The following CNNM3 variants were observed in gnomAD, a reference collection of about 807,000 sequenced individuals.
CNNM3 encodes the protein metal transporter CNNM3.
A neutral mutation model predicts 57.1 loss-of-function variants in CNNM3; 47 were observed. The ratio of observed to expected loss-of-function variants is 0.82; its 90% confidence interval spans 0.65 to 1.05. The LOEUF (loss-of-function observed/expected upper bound fraction) is 1.05, where lower values mean the gene tolerates loss of function less well. CNNM3 is among the 50% of genes least tolerant of loss of function. CNNM3 has a pLI of 0.00. For synonymous variants in CNNM3, 507 were observed against 478.2 expected (o/e 1.06, Z -0.79); for missense variants, 957 against 973.7 (o/e 0.98, Z 0.23).
At chr2:96,837,387 T>C (rs116808426), downstream of CNNM3, 491 of 152,384 alleles carry the variant, frequency 3.2e-3, 4 homozygotes, top group African/African-American at 0.011. Context: ...ATTTTCAGCA[T>C]ACAAGTCCTT....
chr2:96,831,901 G>A (rs1208272629), intron 7 of CNNM3: 7 of 879,076 alleles, frequency 8.0e-6, no homozygotes, highest in East Asian at 1.2e-4. Context: ...GGTGCTGCCC[G>A]GAGCCAAGAG....
chr2:96,817,515 G>T lies in CNNM3; in HGVS notation c.1225+13G>T, dbSNP rs760290230. 6 of 1,604,182 alleles carry T rather than the reference G, an allele frequency of 3.7e-6. No homozygotes were observed. The highest frequency in any genetic ancestry group is 5.1e-6 in the Non-Finnish European group (6 of 1,173,764). ...GAATTCAAGCGAGGTAACGGCCCGGGCATGGTGCAGGGGACGCCCGTGCGA... is the reference window on the plus strand; with the variant it reads ...GAATTCAAGCGAGGTAACGGCCCGGTCATGGTGCAGGGGACGCCCGTGCGA... On this transcript the variant is annotated intron_variant, in intron 1 of 7. Coordinates refer to ENST00000305510, the MANE Select transcript of CNNM3 (RefSeq NM_017623.5).
chr2:96,832,231 C>G (rs567258097), intron 7 of CNNM3: 3 of 985,374 alleles, frequency 3.0e-6, no homozygotes, highest in Non-Finnish European at 3.6e-6. Flanking sequence ...GGTCATGAGA[C>G]TCCTCCACTG....
In CNNM3 at chr2:96,827,002, C is replaced by T. The variant is rs749702958; in HGVS notation, c.1519+20C>T. ...CCCGAGGTGAGGCGGGAGGGTGGTC[C>T]ATGCCCCCTGCTCTCCTCACCGTTC... On this transcript the variant is annotated intron_variant, in intron 3 of 7. Transcript: ENST00000305510. 3.5e-5 allele frequency: 56 copies of T among 1,611,168 alleles called. No individual in the cohort carries two copies. Among genetic ancestry groups the T allele is most frequent in the African/African-American group, 5.3e-5 (4 of 74,920 alleles).
downstream of CNNM3, among the ~76,000 whole-genome samples, chr2:96,836,088 C>CCCTT (rs1553484522): frequency 7.0e-6 from 1 of 143,470 alleles, no homozygotes; most frequent in Non-Finnish European, 1.5e-5. Flanking sequence ...CCCTCCCCCC[C>CCCTT]TTTTTTTTTT....
In CNNM3 at chr2:96,816,628, G is replaced by T; in HGVS notation, c.351G>T (p.Leu117=). 8.7e-7 allele frequency: 1 copy of T among 1,148,894 alleles called. No homozygotes were observed. The highest frequency in any genetic ancestry group is 1.1e-6 in the Non-Finnish European group (1 of 935,576). The allele number at this position is 1,148,894 out of a possible 1,614,324, so 71.2% of individuals were successfully genotyped here. Residue 117 remains leucine (L), a synonymous_variant, in exon 1 of 8, where the codon CTG becomes CTT. Transcript: ENST00000305510. ...AEAVRPHSAL[L]AVRVEPGGGA... ...CCGTGCGCCCGCACTCGGCGCTGCT[G>T]GCGGTGCGCGTGGAGCCGGGTGGCG...
At position 96,834,330 on chromosome 2, in the gene CNNM3, TTTA is replaced by T. The variant is rs59161358; in HGVS notation, c.*1744_*1746del. Among the ~76,000 whole-genome samples, 12,863 of 146,394 alleles carry T rather than the reference TTTA, an allele frequency of 0.088. 1,766 individuals are homozygous for T. Among genetic ancestry groups the T allele is most frequent in the African/African-American group, 0.3 (11,796 of 38,996 alleles). ...ATCAGAGTTTTCAATTTTTTATTTA[TTTA>T]TTATTATTATTATTATTATTATTAT... On this transcript the variant is annotated 3_prime_UTR_variant, in exon 8 of 8. Transcript: ENST00000305510.
At chr2:96,826,683 G>C in intron 2 of CNNM3, 150 bp from the exon 3 acceptor site, 1 of 865,840 alleles carries the variant, frequency 1.2e-6, no homozygotes, top group Non-Finnish European at 1.8e-6. Context: ...GGAGGGAGCG[G>C]TGCTGAGGAC....
At chr2:96,823,224 C>G (rs943757041) in intron 1 of CNNM3, among the ~76,000 whole-genome samples, 23 of 152,170 alleles carry the variant, frequency 1.5e-4, no homozygotes, top group Admixed American at 1.4e-3. Flanking sequence ...GTGCCTTGTT[C>G]TAGAGAAGTT....
At chr2:96,831,912 G>A in intron 7 of CNNM3, 2 of 934,408 alleles carry the variant, frequency 2.1e-6, no homozygotes, top group Non-Finnish European at 2.6e-6. Flanking sequence ...GAGCCAAGAG[G>A]CACAACCATT....
intron 1 of CNNM3, among the ~76,000 whole-genome samples, chr2:96,818,641 G>A (rs2079361516): frequency 6.6e-6 from 1 of 152,146 alleles, no homozygotes; most frequent in Admixed American, 6.5e-5. Context: ...GAGCAGTTCG[G>A]AGATTGAAGG....
chr2:96,835,186 T>C lies in CNNM3; in HGVS notation c.*2570T>C, dbSNP rs552042106. On this transcript the variant is annotated 3_prime_UTR_variant, in exon 8 of 8. Transcript: ENST00000305510. ...GAATGTTGTATAAATGGGAGCATAG[T>C]GTGTAAGCATTCGGGATTGTCTTTT... Among the ~76,000 whole-genome samples, 2 of 152,324 alleles carry C rather than the reference T, an allele frequency of 1.3e-5. No individual in the cohort carries two copies. Among genetic ancestry groups the C allele is most frequent in the South Asian group, 2.1e-4 (1 of 4,826 alleles).
Position 96,827,741 on chromosome 2 carries a change from A to ATT in CNNM3, c.1531_1532dup (p.Pro513AlafsTer14). 6.2e-7 allele frequency: 1 copy of ATT among 1,613,764 alleles called. No individual in the cohort carries two copies. The highest frequency in any genetic ancestry group is 8.5e-7 in the Non-Finnish European group (1 of 1,179,784). On this transcript the variant is annotated frameshift_variant, in exon 4 of 8. Coordinates refer to ENST00000305510, the MANE Select transcript of CNNM3 (RefSeq NM_017623.5). LOFTEE classifies it high-confidence loss of function. Reference sequence around the variant, plus strand: ...TTCCACCACGTGCAGAAGTGGATGTATTCAGCCCGCTGCGCATCTCTGAGA... The same window carrying ATT: ...TTCCACCACGTGCAGAAGTGGATGTATTTTCAGCCCGCTGCGCATCTCTGAGA...
At position 96,826,989 on chromosome 2, in the gene CNNM3, C is replaced by T. The variant is rs545816156; in HGVS notation, c.1519+7C>T. On this transcript the variant is annotated splice_region_variant and intron_variant, in intron 3 of 7. Transcript: ENST00000305510. ...CAGCGCTTCCTGTCCCGAGGTGAGG[C>T]GGGAGGGTGGTCCATGCCCCCTGCT... 24 of 1,612,996 alleles carry T rather than the reference C, an allele frequency of 1.5e-5. No individual in the cohort carries two copies. The highest frequency in any genetic ancestry group is 9.3e-5 in the African/African-American group (7 of 75,052).
chr2:96,818,181 G>A (rs1333481723), intron 1 of CNNM3, among the ~76,000 whole-genome samples: 1 of 152,100 alleles, frequency 6.6e-6, no homozygotes, highest in Non-Finnish European at 1.5e-5. Context: ...CGCCTCCCAG[G>A]TTCAAGCAGT....
rs554940368 is a variant in CNNM3, at chr2:96,835,377, C to T, written c.*2761C>T. Among the ~76,000 whole-genome samples, 107 of 152,116 alleles carry T rather than the reference C, an allele frequency of 7.0e-4. No homozygotes were observed. Among genetic ancestry groups the T allele is most frequent in the African/African-American group, 2.5e-3 (105 of 41,478 alleles). On this transcript the variant is annotated 3_prime_UTR_variant, in exon 8 of 8. Transcript: ENST00000305510. ...TCCAAATAAAGCTGCTACGACTATTCATGTACAGGTTTCTGTGTCAGGATT... is the reference window on the plus strand; with the variant it reads ...TCCAAATAAAGCTGCTACGACTATTTATGTACAGGTTTCTGTGTCAGGATT...
intron 1 of CNNM3, among the ~76,000 whole-genome samples, chr2:96,822,801 A>G (rs961438613): frequency 1.3e-5 from 2 of 152,246 alleles, no homozygotes; most frequent in African/African-American, 4.8e-5. Flanking sequence ...AGGTATTCCA[A>G]CTGTTATTAA....
chr2:96,831,941 CTCT>C lies in CNNM3; in HGVS notation c.2060-606_2060-604del. 4.1e-6 allele frequency: 4 copies of C among 978,988 alleles called. No homozygotes were observed. The South Asian group carries it at 1.9e-4, about 46-fold the overall frequency. 60.6% of individuals were successfully genotyped at this position (978,988 alleles called of 1,614,324 possible). ...AACCATTTCTGCTCAATAGCTTCTC[CTCT>C]TCTTTCTCTCTCTGCTCTCTTTAGC... On this transcript the variant is annotated intron_variant, in intron 7 of 7. Transcript: ENST00000305510.
rs529622458 is a variant in CNNM3 at position 96,834,684 on chromosome 2, C to T, written c.*2068C>T. ...TTCATACACCTTTCACCCAGGTTCC[C>T]CTAATGTTAACAGCTTACATATAAC... On this transcript the variant is annotated 3_prime_UTR_variant, in exon 8 of 8. Transcript: ENST00000305510. Among the ~76,000 whole-genome samples, 1 of 152,240 alleles carries T rather than the reference C, an allele frequency of 6.6e-6. No homozygotes were observed. Among genetic ancestry groups the T allele is most frequent in the African/African-American group, 2.4e-5 (1 of 41,536 alleles).
Sources: gnomAD v4.1 joint callset for allele counts (sites outside exome capture counted in the v4.1 genomes callset) on GRCh38, gnomAD v4.1.1 for gene constraint, MANE v1.5 for transcripts, NCBI Gene and HGNC (gene_info 2026-07-23, HGNC 2026-07-21) for gene names.